Variants in DHRS3 observed in about 807,000 individuals in gnomAD.
DHRS3 encodes the protein dehydrogenase/reductase 3, also known as short-chain dehydrogenase/reductase 3.
A neutral mutation model predicts 27.2 loss-of-function variants in DHRS3; 14 were observed. That is an observed-to-expected ratio of 0.52 (90% confidence interval 0.34 to 0.81). The LOEUF is 0.81. DHRS3 is among the 30% of genes least tolerant of loss of function. The pLI, the probability that DHRS3 is intolerant of heterozygous loss-of-function variation, is 0.01. For synonymous variants in DHRS3, 165 were observed against 175.9 expected (o/e 0.94, Z 0.49); for missense variants, 322 against 406.2 (o/e 0.79, Z 1.78).
At position 12,574,517 on chromosome 1, in the gene DHRS3, A is replaced by G. The variant is rs924176912; in HGVS notation, c.699-1664T>C. Reference sequence around the variant, plus strand: ...CACAGCCCTGTGGTCAAGAGGGGCCAGCCTCTGCCATTCTACAGAGATGAA... The same window carrying G: ...CACAGCCCTGTGGTCAAGAGGGGCCGGCCTCTGCCATTCTACAGAGATGAA... On this transcript the variant is annotated intron_variant, in intron 4 of 5. Transcript: ENST00000616661. The surrounding 1 kb of genome is among the most constrained non-coding windows in gnomAD (Gnocchi z 4.6). Among the ~76,000 whole-genome samples, 8 of 152,176 alleles carry G rather than the reference A, an allele frequency of 5.3e-5. No homozygotes were observed. Among genetic ancestry groups the G allele is most frequent in the African/African-American group, 1.9e-4 (8 of 41,434 alleles).
intron 1 of DHRS3, among the ~76,000 whole-genome samples, chr1:12,615,732 T>A (rs3010915): frequency 0.66 from 100,102 of 152,092 alleles, 33,318 homozygotes; most frequent in African/African-American, 0.76. Flanking sequence ...CCCTTTTCAG[T>A]CCCCTTCACA....
At chr1:12,568,519 G>T in intron 5 of DHRS3, 95 bp from the exon 6 acceptor site, 1 of 1,228,984 alleles carries the variant, frequency 8.1e-7, no homozygotes, top group Non-Finnish European at 1.2e-6. Context: ...GGCAGCAGAG[G>T]GCTGGTTCCT....
intron 5 of DHRS3, among the ~76,000 whole-genome samples, chr1:12,572,103 G>T (rs1021680783): frequency 1.3e-5 from 2 of 152,202 alleles, no homozygotes; most frequent in Non-Finnish European, 2.9e-5. Flanking sequence ...TAATGGGTTT[G>T]TTATAGCTAT....
At chr1:12,588,222 G>A (rs886735276) in intron 1 of DHRS3, among the ~76,000 whole-genome samples, 1 of 151,882 alleles carries the variant, frequency 6.6e-6, no homozygotes, top group Non-Finnish European at 1.5e-5. Context: ...AGCCTCCCTG[G>A]CTGCTCCTTC....
At chr1:12,573,160 G>T (rs911435139) in intron 4 of DHRS3, among the ~76,000 whole-genome samples, 5 of 151,772 alleles carry the variant, frequency 3.3e-5, no homozygotes, top group African/African-American at 1.2e-4. Flanking sequence ...TGCGTAATCT[G>T]GGCCCTGGTT....
intron 1 of DHRS3, among the ~76,000 whole-genome samples, chr1:12,615,913 C>T (rs1646941225): frequency 6.6e-6 from 1 of 152,182 alleles, no homozygotes; most frequent in African/African-American, 2.4e-5. Context: ...AAGAGGGAGT[C>T]CTGGACAGCC....
At chr1:12,599,207 C>G (rs577100483) in intron 1 of DHRS3, among the ~76,000 whole-genome samples, 3 of 152,392 alleles carry the variant, frequency 2.0e-5, no homozygotes, top group Admixed American at 1.3e-4. Context: ...TGGTCTCATG[C>G]TATCAGGCTG....
chr1:12,590,109 T>C (rs1224535402), intron 1 of DHRS3, among the ~76,000 whole-genome samples: 1 of 152,048 alleles, frequency 6.6e-6, no homozygotes, highest in Non-Finnish European at 1.5e-5. Flanking sequence ...CTGTCAAAAC[T>C]GTCCACCTGC....
intron 1 of DHRS3, among the ~76,000 whole-genome samples, chr1:12,581,501 G>C (rs1259961613): frequency 6.6e-6 from 1 of 152,188 alleles, no homozygotes; most frequent in Non-Finnish European, 1.5e-5. Context: ...GCAGTGACGA[G>C]GCTGCCACTG....
intron 1 of DHRS3, among the ~76,000 whole-genome samples, chr1:12,605,969 T>C (rs1646867697): frequency 6.6e-6 from 1 of 151,668 alleles, no homozygotes; most frequent in Non-Finnish European, 1.5e-5. Flanking sequence ...TGAAATCCCG[T>C]CTCTACTAAA....
intron 1 of DHRS3, among the ~76,000 whole-genome samples, chr1:12,588,561 C>T (rs535732492): frequency 7.9e-5 from 12 of 152,154 alleles, no homozygotes; most frequent in Non-Finnish European, 1.8e-4. Flanking sequence ...CTCCCATGAG[C>T]GTGCAAGGTC....
intron 1 of DHRS3, among the ~76,000 whole-genome samples, chr1:12,589,586 A>G (rs1646728389): frequency 6.6e-6 from 1 of 151,848 alleles, no homozygotes; most frequent in Non-Finnish European, 1.5e-5. Context: ...ATGGGGTTTC[A>G]CCATAATTCA....
intron 5 of DHRS3, among the ~76,000 whole-genome samples, chr1:12,569,235 A>T (rs937728883): frequency 0.033 from 3,649 of 112,166 alleles, 92 homozygotes; most frequent in African/African-American, 0.063. Flanking sequence ...TCTCTCTCAC[A>T]CACACACACA....
chr1:12,572,716 C>T lies in DHRS3; in HGVS notation c.824+12G>A, dbSNP rs1481320894. 1 of 1,581,258 alleles carries T rather than the reference C, an allele frequency of 6.3e-7. No homozygotes were observed. The highest frequency in any genetic ancestry group is 8.6e-7 in the Non-Finnish European group (1 of 1,162,960). On this transcript the variant is annotated intron_variant, in intron 5 of 5. Transcript: ENST00000616661. ...TTCCCCTGACCCAGAGTGTTCTTTCCCAGCCCCATACCTTTTCAAGATAAC... is the reference window on the plus strand; with the variant it reads ...TTCCCCTGACCCAGAGTGTTCTTTCTCAGCCCCATACCTTTTCAAGATAAC...
chr1:12,606,523 C>T (rs950431717), intron 1 of DHRS3, among the ~76,000 whole-genome samples: 8 of 152,092 alleles, frequency 5.3e-5, no homozygotes, highest in Non-Finnish European at 1.5e-5. Flanking sequence ...GAGTTTCACT[C>T]TTGTTGTCCA....
chr1:12,601,385 T>G (rs1646834816), intron 1 of DHRS3, among the ~76,000 whole-genome samples: 2 of 151,998 alleles, frequency 1.3e-5, no homozygotes, highest in Admixed American at 1.3e-4. Flanking sequence ...GTCTGTCTAC[T>G]TGAATGGGAG....
At chr1:12,571,609 C>T (rs1428865615) in intron 5 of DHRS3, among the ~76,000 whole-genome samples, 1 of 150,594 alleles carries the variant, frequency 6.6e-6, no homozygotes, top group Non-Finnish European at 1.5e-5. Context: ...CGGCTCACCT[C>T]AACCTCTGCC....
chr1:12,594,928 G>A lies in DHRS3; in HGVS notation c.196-14262C>T, dbSNP rs1247102219. 1.3e-5 allele frequency among the ~76,000 whole-genome samples: 2 copies of A among 152,148 alleles called. No individual in the cohort carries two copies. The highest frequency in any genetic ancestry group is 4.8e-5 in the African/African-American group (2 of 41,410). On this transcript the variant is annotated intron_variant, in intron 1 of 5. Coordinates refer to ENST00000616661, the MANE Select transcript of DHRS3 (RefSeq NM_004753.7). This position sits in a 1 kb window ranked among gnomAD's most constrained non-coding sequence, Gnocchi z 4.1. ...TGCTGGAGAAAGTGAGCTTCCCAGA[G>A]GACACCAGAGCGTTTGGCCTGAGAA... is the stretch of plus-strand genomic sequence containing the variant.
At chr1:12,569,408 G>C (rs1433378082) in intron 5 of DHRS3, among the ~76,000 whole-genome samples, 2 of 151,732 alleles carry the variant, frequency 1.3e-5, no homozygotes. Flanking sequence ...GTACATAGTA[G>C]GTATATATAT....
Sources: gnomAD v4.1 joint callset for allele counts (sites outside exome capture counted in the v4.1 genomes callset) on GRCh38, gnomAD v4.1.1 for gene constraint, Gnocchi (gnomAD v3.1) non-coding constraint, MANE v1.5 for transcripts, NCBI Gene and HGNC (gene_info 2026-07-23, HGNC 2026-07-21) for gene names.